The following KCNAB1 variants were observed in gnomAD, a reference collection of about 807,000 sequenced individuals.
KCNAB1 encodes potassium voltage-gated channel subfamily A regulatory beta subunit 1.
A neutral mutation model predicts 64.6 loss-of-function variants in KCNAB1; 35 were observed. The observed-to-expected ratio is 0.54, with a 90% CI of 0.41 to 0.72. KCNAB1 has a LOEUF of 0.72. Among genes scored for constraint, KCNAB1 ranks in the 30% least tolerant of loss-of-function variants. KCNAB1 has a pLI of 0.00. For synonymous variants in KCNAB1, 177 were observed against 183.8 expected (o/e 0.96, Z 0.30); for missense variants, 401 against 512.9 (o/e 0.78, Z 2.11).
chr3:156,440,645 T>G (rs1716926499), intron 2 of KCNAB1, among the ~76,000 whole-genome samples: 1 of 152,216 alleles, frequency 6.6e-6, no homozygotes, highest in African/African-American at 2.4e-5. Context: ...AGAAATAGAC[T>G]AAGAGTCAGT....
intron 11 of KCNAB1, among the ~76,000 whole-genome samples, chr3:156,523,526 T>C (rs1329085486): frequency 6.6e-6 from 1 of 152,190 alleles, no homozygotes; most frequent in Non-Finnish European, 1.5e-5. Flanking sequence ...CGTTACTTCT[T>C]CTATTGGACA....
intron 1 of KCNAB1, among the ~76,000 whole-genome samples, chr3:156,209,763 A>G (rs1714898639): frequency 6.6e-6 from 1 of 152,220 alleles, no homozygotes; most frequent in African/African-American, 2.4e-5. Context: ...TACTAAATTT[A>G]TTTCAAAGAG....
rs367830705 is a variant in KCNAB1, at chr3:156,159,494, C to T, written c.275+38608C>T. Reference sequence around the variant, plus strand: ...ATTTTATTTATAAGGCGGTTAGCCTCCCCTTGCCCATTGTTCCAATAAATA... The same window carrying T: ...ATTTTATTTATAAGGCGGTTAGCCTTCCCTTGCCCATTGTTCCAATAAATA... On this transcript the variant is annotated intron_variant, in intron 1 of 13. Transcript: ENST00000490337. 7.2e-5 allele frequency among the ~76,000 whole-genome samples: 11 copies of T among 152,292 alleles called. No homozygotes were observed. In the South Asian group the frequency reaches 2.3e-3, roughly 32 times the overall value.
chr3:156,452,964 T>C lies in KCNAB1; in HGVS notation c.357+28T>C. Reference sequence around the variant, plus strand: ...AAGTTACCTTTGGCCTCTATTATGCTAATGAAAGAAAATGCAGAGAGAGCT... The same window carrying C: ...AAGTTACCTTTGGCCTCTATTATGCCAATGAAAGAAAATGCAGAGAGAGCT... On this transcript the variant is annotated intron_variant, in intron 3 of 13. Coordinates refer to ENST00000490337, the MANE Select transcript of KCNAB1 (RefSeq NM_172160.3). The surrounding 1 kb of genome is among the most constrained non-coding windows in gnomAD (Gnocchi z 4.6). The C allele has an allele frequency of 6.5e-7, 1 of 1,549,486 alleles. No individual in the cohort carries two copies. The highest frequency in any genetic ancestry group is 8.9e-7 in the Non-Finnish European group (1 of 1,129,078).
chr3:156,440,725 T>C (rs990831720), intron 2 of KCNAB1, among the ~76,000 whole-genome samples: 9 of 152,194 alleles, frequency 5.9e-5, no homozygotes, highest in African/African-American at 1.4e-4. Context: ...GATACAGCTA[T>C]AAATTTTCTT....
chr3:156,376,694 G>T (rs1711702128), intron 1 of KCNAB1, among the ~76,000 whole-genome samples: 1 of 152,178 alleles, frequency 6.6e-6, no homozygotes, highest in Non-Finnish European at 1.5e-5. Context: ...GAGCTTGGCT[G>T]GAAAGAAAAG....
chr3:156,498,793 A>G (rs1248789280), intron 8 of KCNAB1, among the ~76,000 whole-genome samples: 1 of 152,254 alleles, frequency 6.6e-6, no homozygotes, highest in Non-Finnish European at 1.5e-5. Flanking sequence ...ATTGCACACA[A>G]TGCTGCTGCA....
At chr3:156,222,482 G>A (rs1715841445) in intron 1 of KCNAB1, among the ~76,000 whole-genome samples, 1 of 152,028 alleles carries the variant, frequency 6.6e-6, no homozygotes, top group African/African-American at 2.4e-5. Context: ...TAATAGTGGG[G>A]GACTCTAACA....
intron 8 of KCNAB1, among the ~76,000 whole-genome samples, chr3:156,493,213 C>T (rs1234783129): frequency 1.3e-5 from 2 of 152,068 alleles, no homozygotes; most frequent in African/African-American, 4.8e-5. Context: ...TATGCCCACA[C>T]CAGAGCCCCA....
chr3:156,504,335 C>T (rs1716665600), intron 8 of KCNAB1, among the ~76,000 whole-genome samples: 1 of 152,078 alleles, frequency 6.6e-6, no homozygotes, highest in African/African-American at 2.4e-5. Flanking sequence ...AGGTTGATTC[C>T]ATATCTTGGC....
At chr3:156,387,014 C>CTCTTTTTTT (rs60888308) in intron 1 of KCNAB1, among the ~76,000 whole-genome samples, 5 of 90,526 alleles carry the variant, frequency 5.5e-5, no homozygotes, top group Admixed American at 1.1e-4. Flanking sequence ...TTCTCTCTCT[C>CTCTTTTTTT]TTTTTTTTTT....
chr3:156,272,197 C>T (rs747137530), intron 1 of KCNAB1, among the ~76,000 whole-genome samples: 4 of 152,224 alleles, frequency 2.6e-5, no homozygotes, highest in Non-Finnish European at 5.9e-5. Flanking sequence ...CTGCTGTAAT[C>T]ACTAACTGGC....
At chr3:156,476,950 A>C (rs906982622) in intron 8 of KCNAB1, among the ~76,000 whole-genome samples, 1 of 152,186 alleles carries the variant, frequency 6.6e-6, no homozygotes, top group Non-Finnish European at 1.5e-5. Flanking sequence ...TATACCATGT[A>C]CAGGATAGCA....
At chr3:156,120,577 C>G (rs1184278477), upstream of KCNAB1, 11 of 1,611,080 alleles carry the variant, frequency 6.8e-6, no homozygotes, top group Non-Finnish European at 9.3e-6. Flanking sequence ...ACTTTGATGA[C>G]AGTGACTTCC....
At chr3:156,291,495 A>C (rs1478988667) in intron 1 of KCNAB1, 2 of 1,060,786 alleles carry the variant, frequency 1.9e-6, no homozygotes, top group African/African-American at 3.3e-5. Flanking sequence ...GCGAGCCCGC[A>C]TTCAGACACC....
chr3:156,289,753 A>G (rs1453826729), intron 1 of KCNAB1, among the ~76,000 whole-genome samples: 1 of 152,248 alleles, frequency 6.6e-6, no homozygotes, highest in Admixed American at 6.5e-5. Context: ...AGGTTATAAA[A>G]TGTTAAAATT....
intron 1 of KCNAB1, among the ~76,000 whole-genome samples, chr3:156,141,827 T>C (rs1714722923): frequency 6.6e-6 from 1 of 152,220 alleles, no homozygotes; most frequent in East Asian, 1.9e-4. Flanking sequence ...GAATGTTTAG[T>C]CTTATAAGAA....
intron 11 of KCNAB1, among the ~76,000 whole-genome samples, chr3:156,519,933 A>T (rs1717828045): frequency 6.6e-6 from 1 of 152,218 alleles, no homozygotes; most frequent in South Asian, 2.1e-4. Flanking sequence ...TACTGTGATC[A>T]GCTCAGGTTG....
chr3:156,450,499 A>G (rs112624437), intron 2 of KCNAB1, among the ~76,000 whole-genome samples: 20 of 152,184 alleles, frequency 1.3e-4, no homozygotes, highest in Middle Eastern at 3.2e-3. Flanking sequence ...AAAGTTCTCA[A>G]TCTTATTTTT....
Sources: allele counts gnomAD v4.1 joint callset (sites outside exome capture counted in the v4.1 genomes callset), GRCh38; gene constraint gnomAD v4.1.1; non-coding constraint Gnocchi (gnomAD v3.1); transcripts MANE v1.5; gene names NCBI Gene and HGNC (gene_info 2026-07-23, HGNC 2026-07-21).